The following MARCHF1 variants were observed in gnomAD, a reference collection of about 807,000 sequenced individuals.
The protein encoded by MARCHF1 is membrane associated ring-CH-type finger 1.
A neutral mutation model predicts 54.2 loss-of-function variants in MARCHF1; 40 were observed. That is an observed-to-expected ratio of 0.74 (90% confidence interval 0.57 to 0.96). MARCHF1 has a LOEUF of 0.96. MARCHF1 is among the 40% of genes least tolerant of loss of function. The pLI is 0.00. For missense variants in MARCHF1, 586 were observed against 656.5 expected (o/e 0.89, Z 1.17); for synonymous variants, 236 against 236.3 (o/e 1.00, Z 0.01).
chr4:164,382,844 C>T (rs2110994909), intron 1 of MARCHF1, among the ~76,000 whole-genome samples: 1 of 152,222 alleles, frequency 6.6e-6, no homozygotes, highest in African/African-American at 2.4e-5. Context: ...AATCTTTTTT[C>T]GTCAAACCCA....
At chr4:163,645,401 G>A (rs1006699961) in intron 5 of MARCHF1, among the ~76,000 whole-genome samples, 1 of 152,188 alleles carries the variant, frequency 6.6e-6, no homozygotes, top group Non-Finnish European at 1.5e-5. Context: ...TGTCTGTAAA[G>A]ACTAGAAGAG....
intron 1 of MARCHF1, among the ~76,000 whole-genome samples, chr4:164,356,996 G>A (rs1730572050): frequency 1.3e-5 from 2 of 151,606 alleles, no homozygotes; most frequent in Non-Finnish European, 2.9e-5. Context: ...GAGGGGATCA[G>A]GAAAGATAAC....
At chr4:164,314,002 G>A (rs1336958185) in intron 1 of MARCHF1, among the ~76,000 whole-genome samples, 1 of 152,206 alleles carries the variant, frequency 6.6e-6, no homozygotes, top group Non-Finnish European at 1.5e-5. Context: ...GCCAGAAGGA[G>A]TGCTCCAAAA....
intron 2 of MARCHF1, among the ~76,000 whole-genome samples, chr4:163,994,502 T>C (rs145928755): frequency 0.016 from 2,416 of 151,982 alleles, 56 homozygotes; most frequent in African/African-American, 0.051. Context: ...CACACCAACA[T>C]GGTACATGTA....
At chr4:164,082,689 T>C (rs1579518859) in intron 2 of MARCHF1, among the ~76,000 whole-genome samples, 1 of 152,318 alleles carries the variant, frequency 6.6e-6, no homozygotes, top group South Asian at 2.1e-4. Flanking sequence ...AAAAAAAGTA[T>C]GTGCTAAAAA....
chr4:163,749,305 T>G (rs898990332), intron 4 of MARCHF1, among the ~76,000 whole-genome samples: 1 of 151,864 alleles, frequency 6.6e-6, no homozygotes, highest in East Asian at 1.9e-4. Context: ...TTTTTTTCTG[T>G]TTTTTGTTTT....
chr4:163,652,693 T>G (rs76569719), intron 5 of MARCHF1, among the ~76,000 whole-genome samples: 1 of 151,842 alleles, frequency 6.6e-6, no homozygotes, highest in African/African-American at 2.4e-5. Flanking sequence ...ATACCTTTTA[T>G]TTCTTCTAAG....
At chr4:164,317,529 C>T (rs183756143) in intron 1 of MARCHF1, among the ~76,000 whole-genome samples, 1 of 152,082 alleles carries the variant, frequency 6.6e-6, no homozygotes, top group Non-Finnish European at 1.5e-5. Flanking sequence ...AGGAGACTAG[C>T]CCCCTTTTCA....
intron 1 of MARCHF1, chr4:164,188,368 C>G: frequency 2.1e-6 from 1 of 478,130 alleles, no homozygotes; most frequent in Non-Finnish European, 3.9e-6. Flanking sequence ...CCTCTGCTGC[C>G]CGACTGGCTG....
At chr4:163,912,908 A>T (rs1403327094) in intron 3 of MARCHF1, among the ~76,000 whole-genome samples, 1 of 152,236 alleles carries the variant, frequency 6.6e-6, no homozygotes, top group Non-Finnish European at 1.5e-5. Context: ...TCATAAATTG[A>T]AAGATAAATT....
At chr4:163,667,116 A>T (rs1743563379) in intron 5 of MARCHF1, among the ~76,000 whole-genome samples, 2 of 152,162 alleles carry the variant, frequency 1.3e-5, no homozygotes, top group Admixed American at 1.3e-4. Flanking sequence ...GCTTGCAGAC[A>T]TTCTGATAAG....
At chr4:164,308,266 G>C (rs1318159531) in intron 1 of MARCHF1, among the ~76,000 whole-genome samples, 2 of 152,130 alleles carry the variant, frequency 1.3e-5, no homozygotes, top group Non-Finnish European at 2.9e-5. Context: ...TTGAATGTGA[G>C]ACATACCAGC....
chr4:164,279,439 G>A (rs896187225), intron 1 of MARCHF1, among the ~76,000 whole-genome samples: 7 of 151,320 alleles, frequency 4.6e-5, no homozygotes, highest in African/African-American at 7.3e-5. Context: ...TAAAGATGTT[G>A]CCTACATATA....
At chr4:164,036,777 T>C (rs1463515599) in intron 2 of MARCHF1, among the ~76,000 whole-genome samples, 1 of 152,056 alleles carries the variant, frequency 6.6e-6, no homozygotes, top group Non-Finnish European at 1.5e-5. Flanking sequence ...AGGCTAGAAT[T>C]TAAAAGGCCG....
intron 4 of MARCHF1, among the ~76,000 whole-genome samples, chr4:163,733,207 A>ATATATACACGTG (rs1745915134): frequency 5.2e-5 from 1 of 19,206 alleles, no homozygotes. Context: ...ATATATATAT[A>ATATATACACGTG]TATATATATA....
At chr4:163,708,700 G>C (rs1030015562) in intron 4 of MARCHF1, among the ~76,000 whole-genome samples, 3 of 152,084 alleles carry the variant, frequency 2.0e-5, no homozygotes, top group Non-Finnish European at 4.4e-5. Flanking sequence ...AGTAGTCTAT[G>C]ACTATATGAG....
At chr4:163,884,034 G>A (rs62350567) in intron 3 of MARCHF1, among the ~76,000 whole-genome samples, 12,678 of 152,164 alleles carry the variant, frequency 0.083, 588 homozygotes, top group Non-Finnish European at 0.11. Flanking sequence ...CTCATATGGT[G>A]TAAGATAAAG....
intron 5 of MARCHF1, among the ~76,000 whole-genome samples, chr4:163,616,752 A>T (rs1179870305): frequency 6.6e-6 from 1 of 152,066 alleles, no homozygotes; most frequent in African/African-American, 2.4e-5. Context: ...TAACAAAATA[A>T]AATTCACCAG....
intron 5 of MARCHF1, among the ~76,000 whole-genome samples, chr4:163,647,701 CT>C (rs1311980000): frequency 2.0e-5 from 3 of 151,652 alleles, no homozygotes; most frequent in Admixed American, 1.3e-4. Flanking sequence ...ATAAAAGAGT[CT>C]TGAGACAAAT....
Sources: gnomAD v4.1 joint callset for allele counts (sites outside exome capture counted in the v4.1 genomes callset) on GRCh38, gnomAD v4.1.1 for gene constraint, MANE v1.5 for transcripts, NCBI Gene and HGNC (gene_info 2026-07-23, HGNC 2026-07-21) for gene names.